GPHN: variants seen among roughly 807,000 people sequenced by gnomAD.
The protein encoded by GPHN is gephyrin.
A neutral mutation model predicts 95.5 loss-of-function variants in GPHN; 17 were observed. That is an observed-to-expected ratio of 0.18 (90% CI 0.12 to 0.27). GPHN has a LOEUF of 0.27. Among genes scored for constraint, GPHN ranks in the 10% least tolerant of loss-of-function variants. The pLI, the probability that GPHN is intolerant of heterozygous loss-of-function variation, is 1.00. For synonymous variants in GPHN, 320 were observed against 322.5 expected (o/e 0.99, Z 0.08); for missense variants, 660 against 978.1 (o/e 0.67, Z 4.34).
the GPHN span, among the ~76,000 whole-genome samples, chr14:67,398,319 G>C: frequency 1.3e-5 from 2 of 151,970 alleles, no homozygotes; most frequent in Non-Finnish European, 2.9e-5. Context: ...CCCTTTCCTG[G>C]ACTCAAGTGA....
intron 3 of GPHN, among the ~76,000 whole-genome samples, chr14:66,794,001 A>G (rs897040410): frequency 6.6e-6 from 1 of 152,206 alleles, no homozygotes; most frequent in Non-Finnish European, 1.5e-5. Flanking sequence ...ACTGAATGAC[A>G]AGTATTTTTA....
chr14:66,825,537 T>C (rs1324339015), intron 4 of GPHN, among the ~76,000 whole-genome samples: 1 of 152,054 alleles, frequency 6.6e-6, no homozygotes, highest in Non-Finnish European at 1.5e-5. Flanking sequence ...GAGTTTCTGA[T>C]TTAGTAAAGC....
chr14:67,586,552 C>T, the GPHN span: 13 of 572,696 alleles, frequency 2.3e-5, no homozygotes, highest in South Asian at 3.1e-5. Flanking sequence ...TGGGGAAGAC[C>T]GCAAAAAGAC....
At chr14:66,892,007 G>GT (rs1222823225) in intron 5 of GPHN, among the ~76,000 whole-genome samples, 1 of 152,176 alleles carries the variant, frequency 6.6e-6, no homozygotes, top group Non-Finnish European at 1.5e-5. Context: ...GAAACATTGT[G>GT]TATTGCTGGT....
intron 3 of GPHN, among the ~76,000 whole-genome samples, chr14:66,807,825 G>A (rs890575938): frequency 6.6e-6 from 1 of 152,126 alleles, no homozygotes; most frequent in Admixed American, 6.5e-5. Flanking sequence ...ATCAATAATC[G>A]TGCAATGAGT....
the GPHN span, among the ~76,000 whole-genome samples, chr14:67,446,533 G>C: frequency 6.6e-6 from 1 of 152,150 alleles, no homozygotes; most frequent in Non-Finnish European, 1.5e-5. Context: ...AGTTAGAAGG[G>C]TGTCCTGCCA....
the GPHN span, among the ~76,000 whole-genome samples, chr14:67,206,883 A>G: frequency 6.6e-6 from 1 of 152,048 alleles, no homozygotes; most frequent in South Asian, 2.1e-4. Context: ...GGTGCCCACC[A>G]CACGCCCAGT....
chr14:66,917,639 A>G (rs933330619), intron 6 of GPHN, among the ~76,000 whole-genome samples: 3 of 152,106 alleles, frequency 2.0e-5, no homozygotes, highest in African/African-American at 7.2e-5. Flanking sequence ...GTCTATTCCT[A>G]TTCATTTAGA....
the GPHN span, among the ~76,000 whole-genome samples, chr14:67,453,821 C>T: frequency 2.0e-5 from 3 of 152,208 alleles, no homozygotes; most frequent in Non-Finnish European, 2.9e-5. Context: ...TCAGAAGACA[C>T]AGGACACAGT....
At chr14:67,678,605 A>G in the GPHN span, among the ~76,000 whole-genome samples, 72 of 152,302 alleles carry the variant, frequency 4.7e-4, no homozygotes, top group African/African-American at 1.7e-3. Flanking sequence ...TGTAATTACC[A>G]TTTTAGATCT....
intron 1 of GPHN, among the ~76,000 whole-genome samples, chr14:66,650,309 G>A (rs1014438226): frequency 3.9e-5 from 6 of 152,112 alleles, no homozygotes; most frequent in Non-Finnish European, 4.4e-5. Context: ...CAAAAGAAAA[G>A]AACATGAACA....
At chr14:67,624,007 AT>A in the GPHN span, among the ~76,000 whole-genome samples, 11 of 151,380 alleles carry the variant, frequency 7.3e-5, no homozygotes, top group African/African-American at 1.2e-4. Context: ...TGCCTGGATA[AT>A]TTTTTTTTCT....
intron 3 of GPHN, among the ~76,000 whole-genome samples, chr14:66,824,250 T>C (rs2061314348): frequency 6.6e-6 from 1 of 152,228 alleles, no homozygotes; most frequent in Non-Finnish European, 1.5e-5. Context: ...AAGAATTTGA[T>C]ACTTGCATCC....
At chr14:66,557,706 A>C (rs1370469417) in intron 1 of GPHN, among the ~76,000 whole-genome samples, 7 of 152,184 alleles carry the variant, frequency 4.6e-5, no homozygotes, top group Non-Finnish European at 1.0e-4. Context: ...GGGCTGTCAC[A>C]TTATCTGTAT....
At chr14:67,391,891 T>C in the GPHN span, among the ~76,000 whole-genome samples, 1 of 151,986 alleles carries the variant, frequency 6.6e-6, no homozygotes, top group African/African-American at 2.4e-5. Flanking sequence ...GTGGAGAAAA[T>C]TGTTTTTAGC....
chr14:66,941,724 C>T (rs960887034), intron 8 of GPHN, among the ~76,000 whole-genome samples: 1 of 150,880 alleles, frequency 6.6e-6, no homozygotes, highest in Non-Finnish European at 1.5e-5. Flanking sequence ...CATCCTGTTG[C>T]AAAAGAAAAT....
At chr14:66,961,920 A>G (rs1307220874) in intron 8 of GPHN, among the ~76,000 whole-genome samples, 1 of 63,492 alleles carries the variant, frequency 1.6e-5, no homozygotes, top group Non-Finnish European at 2.5e-5. Context: ...ATATATATAT[A>G]TATATATATA....
chr14:66,610,639 A>C (rs188136016), intron 1 of GPHN, among the ~76,000 whole-genome samples: 1 of 152,264 alleles, frequency 6.6e-6, no homozygotes, highest in Admixed American at 6.5e-5. Context: ...GGAAAAATTT[A>C]TTCAGTGATA....
chr14:67,718,379 G>C, the GPHN span, among the ~76,000 whole-genome samples: 1 of 152,234 alleles, frequency 6.6e-6, no homozygotes, highest in Non-Finnish European at 1.5e-5. Context: ...TCCATTCTTA[G>C]TAGGGTATCC....
Sources: gnomAD v4.1 joint callset for allele counts (sites outside exome capture counted in the v4.1 genomes callset) on GRCh38, gnomAD v4.1.1 for gene constraint, MANE v1.5 for transcripts, NCBI Gene and HGNC (gene_info 2026-07-23, HGNC 2026-07-21) for gene names.